Variants in SLC6A19 observed in about 807,000 individuals in gnomAD.
SLC6A19 encodes the protein sodium-dependent neutral amino acid transporter B(0)AT1.
Under a neutral mutation model 68.3 loss-of-function variants are expected in SLC6A19, and 67 were observed. The ratio of observed to expected loss-of-function variants is 0.98; its 90% CI spans 0.81 to 1.20. The LOEUF (loss-of-function observed/expected upper bound fraction) is 1.20, where lower values mean the gene tolerates loss of function less well. SLC6A19 is among the 50% of genes most tolerant of loss of function. The pLI is 0.00. For synonymous variants in SLC6A19, 392 were observed against 374.9 expected (o/e 1.05, Z -0.53); for missense variants, 813 against 851.6 (o/e 0.95, Z 0.56).
intron 3 of SLC6A19, among the ~76,000 whole-genome samples, chr5:1,211,732 G>T (rs1384318175): frequency 1.3e-5 from 2 of 151,082 alleles, no homozygotes; most frequent in Non-Finnish European, 3.0e-5. Context: ...GGATATGCAC[G>T]TGAGAGTACA....
In SLC6A19 at chr5:1,212,360, C is replaced by A; in HGVS notation, c.539C>A (p.Thr180Lys). 1 of 1,613,590 alleles carries A rather than the reference C, an allele frequency of 6.2e-7. No individual in the cohort carries two copies. Among genetic ancestry groups the A allele is most frequent in the South Asian group, 1.1e-5 (1 of 91,086 alleles). ...GTGGACTACTTCTGGTACCGAGAGA[C>A]GCTCAACATCTCCACGTCCATCAGC... ...SPVDYFWYRE[T>K]LNISTSISDS... Residue 180 changes from threonine to lysine, a missense_variant, in exon 4 of 12, where the codon ACG (threonine) becomes AAG (lysine). Transcript: ENST00000304460. This position sits in a 1 kb window ranked among gnomAD's most constrained non-coding sequence, Gnocchi z 5.1.
intron 1 of SLC6A19, among the ~76,000 whole-genome samples, chr5:1,205,881 G>A (rs1745838167): frequency 2.6e-5 from 4 of 152,190 alleles, no homozygotes; most frequent in African/African-American, 7.2e-5. Flanking sequence ...ATAGGGACCC[G>A]CTGGTGAGCA....
intron 8 of SLC6A19, among the ~76,000 whole-genome samples, 197 bp from the exon 9 acceptor site, chr5:1,218,705 TC>T (rs1232782441): frequency 1.3e-5 from 2 of 152,170 alleles, no homozygotes; most frequent in African/African-American, 4.8e-5. Flanking sequence ...GGTGATGGGA[TC>T]CACGTGCTGG....
In SLC6A19 at chr5:1,222,660, C is replaced by T. The variant is rs59402633; in HGVS notation, c.*756C>T. ...GTGCATGCCAGTGTGTATGTATGTGCGCATATGGACACGCATGGACACGCA... is the reference window on the plus strand; with the variant it reads ...GTGCATGCCAGTGTGTATGTATGTGTGCATATGGACACGCATGGACACGCA... On this transcript the variant is annotated 3_prime_UTR_variant, in exon 12 of 12. Coordinates refer to ENST00000304460, the MANE Select transcript of SLC6A19 (RefSeq NM_001003841.3). 4,917 of 220,684 alleles carry T rather than the reference C, an allele frequency of 0.022. 251 individuals carry two copies. Among genetic ancestry groups the T allele is most frequent in the African/African-American group, 0.1 (4,597 of 43,894 alleles). The allele number at this position is 220,684 out of a possible 1,614,324, so 13.7% of individuals were successfully genotyped here.
At position 1,214,717 on chromosome 5, in the gene SLC6A19, C is replaced by T. The variant is rs993265769; in HGVS notation, c.887+652C>T. 1.2e-4 allele frequency among the ~76,000 whole-genome samples: 19 copies of T among 152,040 alleles called. No homozygotes were observed. The highest frequency in any genetic ancestry group is 3.4e-4 in the African/African-American group (14 of 41,454). On this transcript the variant is annotated intron_variant, in intron 6 of 11. Transcript: ENST00000304460. This position sits in a 1 kb window ranked among gnomAD's most constrained non-coding sequence, Gnocchi z 7.4. The stretch of plus-strand genomic sequence containing the variant: ...GACCAGAATTTCAGAGCAGAAGGGG[C>T]TGGGGGTGAGGGAGGACTCCTAGGG...
At chr5:1,206,343 TC>T in intron 1 of SLC6A19, among the ~76,000 whole-genome samples, 1 of 151,248 alleles carries the variant, frequency 6.6e-6, no homozygotes, top group East Asian at 1.9e-4. Flanking sequence ...TGTCTCCATC[TC>T]CCCCTCTGTG....
chr5:1,221,793 T>C lies in SLC6A19; in HGVS notation c.1794T>C (p.Pro598=). 2 of 1,614,202 alleles carry C rather than the reference T, an allele frequency of 1.2e-6. No homozygotes were observed. Among genetic ancestry groups the C allele is most frequent in the Non-Finnish European group, 1.7e-6 (2 of 1,180,020 alleles). Reference sequence around the variant, plus strand: ...CTGGAGTGCCCTCCCTCACCATCCCTGGCTATGCCATCTACAAGCTCATCA... The same window carrying C: ...CTGGAGTGCCCTCCCTCACCATCCCCGGCTATGCCATCTACAAGCTCATCA... ...IVAGVPSLTI[P]GYAIYKLIRN... The change falls in exon 12 of 12, where the codon CCT becomes CCC. Residue 598 remains proline (P), a synonymous_variant. Transcript: ENST00000304460.
In SLC6A19 at chr5:1,212,213, C is replaced by G. The variant is rs765461334; in HGVS notation, c.482-90C>G. On this transcript the variant is annotated intron_variant, in intron 3 of 11. Coordinates refer to ENST00000304460, the MANE Select transcript of SLC6A19 (RefSeq NM_001003841.3). The surrounding 1 kb of genome is among the most constrained non-coding windows in gnomAD (Gnocchi z 5.1). ...GTCACTGGTGTCAAGGCCTCTGGAA[C>G]GTGGCTGGCATTTCTTCCAGCTCAG... 25 of 1,540,420 alleles carry G rather than the reference C, an allele frequency of 1.6e-5. No homozygotes were observed. In the Admixed American group the frequency reaches 4.2e-4, roughly 26 times the overall value.
chr5:1,216,197 C>G (rs553181156), intron 6 of SLC6A19, among the ~76,000 whole-genome samples: 1 of 152,312 alleles, frequency 6.6e-6, no homozygotes, highest in Non-Finnish European at 1.5e-5. Context: ...GATGTGATGT[C>G]TTTGGCCTGG....
chr5:1,217,018 G>A, intron 8 of SLC6A19, 73 bp downstream of exon 8: 1 of 1,605,620 alleles, frequency 6.2e-7, no homozygotes, highest in Non-Finnish European at 8.5e-7. Flanking sequence ...GCCACCCCTG[G>A]GCCCCTGGCC....
chr5:1,212,532 C>G lies in SLC6A19; in HGVS notation c.663+48C>G. On this transcript the variant is annotated intron_variant, in intron 4 of 11. Transcript: ENST00000304460. This position sits in a 1 kb window ranked among gnomAD's most constrained non-coding sequence, Gnocchi z 5.1. ...CTGCAGGTGCTCCAGAGGGCGGGTGCGGGCAGCCCTGCCTCCGGCCGGCTG... is the reference window on the plus strand; with the variant it reads ...CTGCAGGTGCTCCAGAGGGCGGGTGGGGGCAGCCCTGCCTCCGGCCGGCTG... The G allele has an allele frequency of 1.3e-6, 2 of 1,597,440 alleles. No homozygotes were observed. Among genetic ancestry groups the G allele is most frequent in the African/African-American group, 2.7e-5 (2 of 74,776 alleles).
At chr5:1,208,393 GC>G in intron 1 of SLC6A19, among the ~76,000 whole-genome samples, 1 of 151,772 alleles carries the variant, frequency 6.6e-6, no homozygotes, top group African/African-American at 2.4e-5. Context: ...CTCCTGGACT[GC>G]CAGGGGGTGG....
At chr5:1,211,977 G>A (rs372693372) in intron 3 of SLC6A19, among the ~76,000 whole-genome samples, 1 of 139,436 alleles carries the variant, frequency 7.2e-6, no homozygotes, top group South Asian at 2.3e-4. Flanking sequence ...ATGTGTGTGT[G>A]TTGTGTGTCC....
intron 1 of SLC6A19, among the ~76,000 whole-genome samples, chr5:1,206,358 C>G (rs1029817157): frequency 1.1e-4 from 8 of 75,230 alleles, no homozygotes; most frequent in African/African-American, 2.3e-4. Context: ...CTCTGTGACT[C>G]TGTCTCTGTG....
At position 1,221,309 on chromosome 5, in the gene SLC6A19, G is replaced by A; in HGVS notation, c.1697G>A (p.Gly566Asp). Residue 566 changes from glycine to aspartate, a missense_variant, in exon 11 of 12, where the codon GGC (glycine) becomes GAC (aspartate). Transcript: ENST00000304460. ...CTGACCTACAGCATCTGGGACCCTG[G>A]CTACGTAAGTGTCCAGGCAGTCGCC... ...QELTYSIWDP[G>D]YEEFPKSQKI... The A allele has an allele frequency of 6.2e-7, 1 of 1,613,472 alleles. No homozygotes were observed. The highest frequency in any genetic ancestry group is 8.5e-7 in the Non-Finnish European group (1 of 1,180,002).
chr5:1,222,331 AACAC>A lies in SLC6A19; in HGVS notation c.*432_*435del. ...GTTGTGTGTGGTGTGCATATGTGTG[AACAC>A]ACACGTGTATACATGCATGCACATG... On this transcript the variant is annotated 3_prime_UTR_variant, in exon 12 of 12. Transcript: ENST00000304460. The A allele has an allele frequency of 2.0e-6, 1 of 508,262 alleles. No homozygotes were observed. Among genetic ancestry groups the A allele is most frequent in the South Asian group, 4.1e-5 (1 of 24,686 alleles). 31.5% of individuals were successfully genotyped at this position (508,262 alleles called of 1,614,324 possible).
At chr5:1,207,723 T>C (rs112469466) in intron 1 of SLC6A19, among the ~76,000 whole-genome samples, 2,732 of 152,338 alleles carry the variant, frequency 0.018, 86 homozygotes, top group African/African-American at 0.062. Flanking sequence ...ACACTAAACG[T>C]GGCCCTCGGT....
At chr5:1,205,223 C>T (rs1745821014) in intron 1 of SLC6A19, among the ~76,000 whole-genome samples, 1 of 152,260 alleles carries the variant, frequency 6.6e-6, no homozygotes, top group Non-Finnish European at 1.5e-5. Flanking sequence ...CGCTGGCCGC[C>T]CCTTTCCTTC....
intron 1 of SLC6A19, among the ~76,000 whole-genome samples, chr5:1,205,278 C>T (rs1240662861): frequency 2.6e-5 from 4 of 152,242 alleles, no homozygotes; most frequent in African/African-American, 4.8e-5. Flanking sequence ...GAAGTCGCTG[C>T]GTTTAAAAGA....
Sources: gnomAD v4.1 joint callset for allele counts (sites outside exome capture counted in the v4.1 genomes callset) on GRCh38, gnomAD v4.1.1 for gene constraint, Gnocchi (gnomAD v3.1) non-coding constraint, MANE v1.5 for transcripts, NCBI Gene and HGNC (gene_info 2026-07-23, HGNC 2026-07-21) for gene names.